The following MANBA variants were observed in gnomAD, a reference collection of about 807,000 sequenced individuals.
MANBA encodes beta-mannosidase.
A neutral mutation model predicts 111.1 loss-of-function variants in MANBA; 83 were observed. The ratio of observed to expected loss-of-function variants is 0.75; its 90% CI spans 0.63 to 0.90. The LOEUF is 0.90. Ranked by LOEUF, MANBA falls within the 40% of genes least tolerant of loss-of-function variation. The pLI is 0.00. For synonymous variants in MANBA, 370 were observed against 378.7 expected (o/e 0.98, Z 0.27); for missense variants, 1,036 against 1,069.0 (o/e 0.97, Z 0.43).
chr4:102,649,022 G>A (rs1730217550), intron 13 of MANBA, among the ~76,000 whole-genome samples: 1 of 151,728 alleles, frequency 6.6e-6, no homozygotes, highest in Non-Finnish European at 1.5e-5. Context: ...TTTATGTCTG[G>A]TTTCTTTTAC....
At chr4:102,690,829 T>A (rs981836646) in intron 5 of MANBA, 58 bp from the exon 6 acceptor site, 2 of 637,598 alleles carry the variant, frequency 3.1e-6, no homozygotes, top group African/African-American at 1.9e-5. Flanking sequence ...CTAAGCATTA[T>A]CACTGCATTT....
chr4:102,679,902 C>A (rs1348549208), intron 7 of MANBA, among the ~76,000 whole-genome samples: 9 of 151,342 alleles, frequency 5.9e-5, no homozygotes, highest in Non-Finnish European at 1.2e-4. Flanking sequence ...TTCATTCAAA[C>A]AATTTACAAA....
At chr4:102,682,061 C>T (rs1170999372) in intron 7 of MANBA, among the ~76,000 whole-genome samples, 4 of 150,960 alleles carry the variant, frequency 2.6e-5, no homozygotes, top group East Asian at 2.0e-4. Flanking sequence ...GCAGAATAAT[C>T]GCTTGAACCT....
At chr4:102,649,122 G>C (rs1730221223) in intron 13 of MANBA, among the ~76,000 whole-genome samples, 1 of 152,084 alleles carries the variant, frequency 6.6e-6, no homozygotes, top group Non-Finnish European at 1.5e-5. Context: ...TCCACTGTAT[G>C]AATATACTAC....
intron 4 of MANBA, among the ~76,000 whole-genome samples, chr4:102,718,228 G>C (rs1250287321): frequency 2.6e-5 from 4 of 152,224 alleles, no homozygotes; most frequent in Admixed American, 2.0e-4. Flanking sequence ...CCTGGGAGAA[G>C]GACTTAAATC....
At chr4:102,650,922 TC>T in intron 12 of MANBA, 1 of 512,628 alleles carries the variant, frequency 2.0e-6, no homozygotes, top group Non-Finnish European at 3.5e-6. Context: ...GGTACATATA[TC>T]CTCCCTTCCT....
intron 9 of MANBA, among the ~76,000 whole-genome samples, chr4:102,670,176 A>AAAAAAAAAAAAC (rs1731430799): frequency 6.9e-6 from 1 of 144,726 alleles, no homozygotes; most frequent in African/African-American, 2.5e-5. Flanking sequence ...AAAAAAAAAA[A>AAAAAAAAAAAAC]AGATCATAGC....
At chr4:102,677,778 G>A (rs1274194951) in intron 7 of MANBA, among the ~76,000 whole-genome samples, 1 of 152,116 alleles carries the variant, frequency 6.6e-6, no homozygotes, top group Non-Finnish European at 1.5e-5. Context: ...TAAACAAGAC[G>A]TTAAAGTGAC....
Position 102,633,639 on chromosome 4 carries a change from G to T in MANBA, c.2415+1149C>A, listed in dbSNP as rs915376031. 8.9e-4 allele frequency among the ~76,000 whole-genome samples: 135 copies of T among 152,236 alleles called. 2 individuals are homozygous for T. The highest frequency in any genetic ancestry group is 1.8e-3 in the Non-Finnish European group (119 of 67,998). On this transcript the variant is annotated intron_variant, in intron 16 of 16. Transcript: ENST00000647097. Reference sequence around the variant, plus strand: ...GTCTCACTGAAATCAAAATGAGATAGAACAAAGAAAGAGCCCTGCTTTTCT... The same window carrying T: ...GTCTCACTGAAATCAAAATGAGATATAACAAAGAAAGAGCCCTGCTTTTCT...
chr4:102,722,029 C>CAAAAAAAAAAAAAAA (rs562110956), intron 4 of MANBA, among the ~76,000 whole-genome samples: 1 of 87,188 alleles, frequency 1.1e-5, no homozygotes, highest in African/African-American at 4.7e-5. Flanking sequence ...GACCCAGTCT[C>CAAAAAAAAAAAAAAA]AAAAAAAAAA....
chr4:102,652,716 C>A (rs1309523501), intron 12 of MANBA, among the ~76,000 whole-genome samples: 2 of 151,926 alleles, frequency 1.3e-5, no homozygotes, highest in Non-Finnish European at 1.5e-5. Flanking sequence ...CGTAGTGAGA[C>A]CCCATCTCTA....
chr4:102,645,459 T>C lies in MANBA; in HGVS notation c.1869+5078A>G, dbSNP rs574714438. ...TTTCTTTTAATTCTTCTTTAAACAT[T>C]CTTAGAATTCACTAGTGAAGCCATC... On this transcript the variant is annotated intron_variant, in intron 13 of 16. Transcript: ENST00000647097. Among the ~76,000 whole-genome samples the C allele has an allele frequency of 5.3e-5, 8 of 152,194 alleles. No homozygotes were observed. The South Asian group carries it at 1.7e-3, about 32-fold the overall frequency.
chr4:102,659,872 C>T (rs1730846018), intron 11 of MANBA, among the ~76,000 whole-genome samples: 1 of 152,148 alleles, frequency 6.6e-6, no homozygotes, highest in Non-Finnish European at 1.5e-5. Context: ...CTTCCACATT[C>T]CAGTTTCCCC....
intron 13 of MANBA, 29 bp downstream of exon 13, chr4:102,650,508 T>C: frequency 6.3e-7 from 1 of 1,579,398 alleles, no homozygotes; most frequent in Non-Finnish European, 8.7e-7. Context: ...TGCAGGAACC[T>C]GTTCAATTCT....
intron 1 of MANBA, among the ~76,000 whole-genome samples, chr4:102,737,782 G>A (rs1024568711): frequency 1.3e-5 from 2 of 152,128 alleles, no homozygotes; most frequent in Admixed American, 1.3e-4. Context: ...GCGCCCGGCC[G>A]GGTAAGGCCT....
intron 1 of MANBA, chr4:102,734,742 C>A: frequency 1.6e-6 from 1 of 628,706 alleles, no homozygotes; most frequent in South Asian, 2.0e-5. Flanking sequence ...CACCCTCTGA[C>A]CTCAGAGATC....
At position 102,727,204 on chromosome 4, in the gene MANBA, C is replaced by A. The variant is rs866210703; in HGVS notation, c.178-521G>T. 63 of 389,866 alleles carry A rather than the reference C, an allele frequency of 1.6e-4. 1 individual carries two copies. The highest frequency in any genetic ancestry group is 4.1e-4 in the South Asian group (16 of 38,880). The allele number at this position is 389,866 out of a possible 1,614,324, so 24.2% of individuals were successfully genotyped here. The stretch of plus-strand genomic sequence containing the variant: ...GGAGTCCCAGGTTCTCCTGTGTGGG[C>A]ACTTTCCTGGAAGATGCTAAATGAT... On this transcript the variant is annotated intron_variant, in intron 1 of 16. Coordinates refer to ENST00000647097, the MANE Select transcript of MANBA (RefSeq NM_005908.4).
At chr4:102,758,538 C>T (rs899263826) in intron 1 of MANBA, among the ~76,000 whole-genome samples, 72 of 150,730 alleles carry the variant, frequency 4.8e-4, no homozygotes, top group South Asian at 1.1e-3. Context: ...ATGATTGCTT[C>T]TTTACTTTTT....
chr4:102,649,069 C>G lies in MANBA; in HGVS notation c.1869+1468G>C, dbSNP rs202035587. On this transcript the variant is annotated intron_variant, in intron 13 of 16. Coordinates refer to ENST00000647097, the MANE Select transcript of MANBA (RefSeq NM_005908.4). ...CCTGCAAGACTCATCCAAGCTGATGCTGATTATCAGTAGTTTATTCTTTTT... is the reference window on the plus strand; with the variant it reads ...CCTGCAAGACTCATCCAAGCTGATGGTGATTATCAGTAGTTTATTCTTTTT... Among the ~76,000 whole-genome samples the G allele has an allele frequency of 6.6e-5, 10 of 152,222 alleles. No homozygotes were observed. In the East Asian group the frequency reaches 1.9e-3, roughly 29 times the overall value.
Sources: allele counts gnomAD v4.1 joint callset (sites outside exome capture counted in the v4.1 genomes callset), GRCh38; gene constraint gnomAD v4.1.1; transcripts MANE v1.5; gene names NCBI Gene and HGNC (gene_info 2026-07-23, HGNC 2026-07-21).